The following KICS2 variants were observed in gnomAD, a reference collection of about 807,000 sequenced individuals.
KICS2 encodes the protein KICSTOR complex protein C12orf66.
A neutral mutation model predicts 31.4 loss-of-function variants in KICS2; 13 were observed. That is an observed-to-expected ratio of 0.41 (90% confidence interval 0.27 to 0.66). The LOEUF is 0.66. Ranked by LOEUF, KICS2 falls within the 30% of genes least tolerant of loss-of-function variation. KICS2 has a pLI of 0.28. For missense variants in KICS2, 455 were observed against 545.4 expected, an observed-to-expected ratio of 0.83 and a Z score of 1.65; for synonymous variants, 209 against 214.8, an observed-to-expected ratio of 0.97 and a Z score of 0.24.
downstream of KICS2, among the ~76,000 whole-genome samples, chr12:64,188,654 G>C (rs2037357949): frequency 6.6e-6 from 1 of 151,754 alleles, no homozygotes; most frequent in Admixed American, 6.6e-5. Context: ...AATTAAGAGA[G>C]AAAATTAACC....
At chr12:64,217,343 T>C (rs1362722925) in intron 1 of KICS2, among the ~76,000 whole-genome samples, 2 of 152,290 alleles carry the variant, frequency 1.3e-5, no homozygotes, top group Non-Finnish European at 2.9e-5. Context: ...CTTTGAAAAG[T>C]GTTTTTCCAA....
chr12:64,187,467 A>G (rs2037347035), downstream of KICS2: 5 of 656,882 alleles, frequency 7.6e-6, no homozygotes, highest in Admixed American at 8.4e-5. Flanking sequence ...TTGTTATCAA[A>G]AGCAGATTGA....
Position 64,214,676 on chromosome 12 carries a change from G to A in KICS2, c.521+1002C>T, listed in dbSNP as rs375637933. ...AGGGAGATCACAAGGTCAGGAGTTC[G>A]AGACCAGCCTGACCAACATGATGAA... On this transcript the variant is annotated intron_variant, in intron 2 of 2. Coordinates refer to ENST00000398055, the MANE Select transcript of KICS2 (RefSeq NM_152440.5). Among the ~76,000 whole-genome samples, 22 of 151,768 alleles carry A rather than the reference G, an allele frequency of 1.4e-4. No homozygotes were observed. The East Asian group carries it at 3.1e-3, about 22-fold the overall frequency.
chr12:64,222,285 C>T lies in KICS2; in HGVS notation c.-48G>A. 6.3e-7 allele frequency: 1 copy of T among 1,594,324 alleles called. No homozygotes were observed. The highest frequency in any genetic ancestry group is 8.5e-7 in the Non-Finnish European group (1 of 1,170,394). Reference sequence around the variant, plus strand: ...CCACGTGGCTCTCCTCGGCCTCGCACTTCCGGGTTCTGAGGGAACGGGCTT... The same window carrying T: ...CCACGTGGCTCTCCTCGGCCTCGCATTTCCGGGTTCTGAGGGAACGGGCTT... On this transcript the variant is annotated 5_prime_UTR_variant, in exon 1 of 3. The change creates a new upstream start codon in the 5' untranslated region. Coordinates refer to ENST00000398055, the MANE Select transcript of KICS2 (RefSeq NM_152440.5).
At chr12:64,196,637 C>T (rs1483173752) in intron 2 of KICS2, among the ~76,000 whole-genome samples, 8 of 148,214 alleles carry the variant, frequency 5.4e-5, no homozygotes, top group East Asian at 4.0e-4. Context: ...AGGCTTCAGA[C>T]GATCAAATTA....
At chr12:64,202,714 A>C (rs1462756125) in intron 2 of KICS2, among the ~76,000 whole-genome samples, 1 of 151,096 alleles carries the variant, frequency 6.6e-6, no homozygotes, top group Non-Finnish European at 1.5e-5. Flanking sequence ...ATATTAAATC[A>C]GATTACTAAC....
chr12:64,188,937 G>A (rs2037359800), downstream of KICS2, among the ~76,000 whole-genome samples: 2 of 152,068 alleles, frequency 1.3e-5, no homozygotes, highest in African/African-American at 4.8e-5. Flanking sequence ...AGCAGATCAT[G>A]AGGTCAAGAG....
intron 2 of KICS2, among the ~76,000 whole-genome samples, chr12:64,210,977 A>G (rs1442367210): frequency 6.6e-6 from 1 of 152,114 alleles, no homozygotes; most frequent in Non-Finnish European, 1.5e-5. Flanking sequence ...ATCACAGGGA[A>G]TTTTGAAAAC....
At chr12:64,199,040 C>G (rs932457710) in intron 2 of KICS2, among the ~76,000 whole-genome samples, 3 of 113,408 alleles carry the variant, frequency 2.6e-5, no homozygotes, top group Non-Finnish European at 3.6e-5. Context: ...GGAACTGGTA[C>G]CATTCCTTCT....
chr12:64,218,266 T>G (rs2037648403), intron 1 of KICS2, among the ~76,000 whole-genome samples: 1 of 152,192 alleles, frequency 6.6e-6, no homozygotes, highest in African/African-American at 2.4e-5. Context: ...ACCTCTCGGC[T>G]TAGGAGGGTA....
intron 2 of KICS2, chr12:64,204,996 G>C (rs553950591): frequency 6.6e-6 from 1 of 152,236 alleles, no homozygotes; most frequent in Admixed American, 6.5e-5. Flanking sequence ...TACCACCTTA[G>C]CTTTTAGGCC....
chr12:64,187,622 G>A, downstream of KICS2: 1 of 1,535,248 alleles, frequency 6.5e-7, no homozygotes. Flanking sequence ...CAGGCAAAAG[G>A]CCACGAAATA....
downstream of KICS2, among the ~76,000 whole-genome samples, chr12:64,189,099 G>A (rs754179930): frequency 2.6e-5 from 4 of 152,124 alleles, no homozygotes; most frequent in Non-Finnish European, 5.9e-5. Flanking sequence ...GTTGTGGTGA[G>A]CCGAGATCGT....
At chr12:64,194,936 A>ATTTTTTTTTTTTTTTTT (rs60371744) in intron 2 of KICS2, among the ~76,000 whole-genome samples, 1 of 149,456 alleles carries the variant, frequency 6.7e-6, no homozygotes, top group Non-Finnish European at 1.5e-5. Context: ...GCTACAATTC[A>ATTTTTTTTTTTTTTTTT]TTTTTTTTTT....
rs539554559 is a variant in KICS2, at chr12:64,193,611, T to A, written c.*231A>T. On this transcript the variant is annotated 3_prime_UTR_variant, in exon 3 of 3. Coordinates refer to ENST00000398055, the MANE Select transcript of KICS2 (RefSeq NM_152440.5). The stretch of plus-strand genomic sequence containing the variant: ...GGGGAAAATACTGAAACTACTTTGC[T>A]GTACCATGGAGACACATGGTAGCCC... 1.5e-6 allele frequency: 2 copies of A among 1,337,442 alleles called. No individual in the cohort carries two copies. Among genetic ancestry groups the A allele is most frequent in the Non-Finnish European group, 1.9e-6 (2 of 1,048,392 alleles). The allele number at this position is 1,337,442 out of a possible 1,614,324, so 82.8% of individuals were successfully genotyped here. A position where few individuals can be genotyped will look rare whatever the true frequency, so the allele number is the denominator to read the frequency against.
At chr12:64,202,232 T>G (rs1334745846) in intron 2 of KICS2, among the ~76,000 whole-genome samples, 3 of 151,996 alleles carry the variant, frequency 2.0e-5, no homozygotes, top group Admixed American at 6.6e-5. Flanking sequence ...ATGGAAAAAC[T>G]CCATCTCTAC....
chr12:64,192,796 A>T lies in KICS2; in HGVS notation c.*1046T>A, dbSNP rs73323086. ...CTAAGATGCAGTGCTGCTTCTAAAC[A>T]TAATTTGTGGGGGGCAGGCATGAAA... On this transcript the variant is annotated 3_prime_UTR_variant, in exon 3 of 3. Transcript: ENST00000398055. 7,459 of 985,418 alleles carry T rather than the reference A, an allele frequency of 7.6e-3. 409 individuals are homozygous for T. The African/African-American group carries it at 0.12, about 15-fold the overall frequency. 61.0% of individuals were successfully genotyped at this position (985,418 alleles called of 1,614,324 possible).
intron 2 of KICS2, chr12:64,205,016 T>A (rs1430979619): frequency 6.6e-6 from 1 of 152,228 alleles, no homozygotes; most frequent in Non-Finnish European, 1.5e-5. Context: ...CCCTTGACAC[T>A]TATAAGCATT....
intron 1 of KICS2, chr12:64,221,795 G>C (rs2037685850): frequency 1.6e-6 from 1 of 640,338 alleles, no homozygotes; most frequent in South Asian, 2.0e-5. Context: ...CATCTACCCA[G>C]TTCGCCAATC....
Sources: gnomAD v4.1 joint callset for allele counts (sites outside exome capture counted in the v4.1 genomes callset) on GRCh38, gnomAD v4.1.1 for gene constraint, MANE v1.5 for transcripts, NCBI Gene and HGNC (gene_info 2026-07-23, HGNC 2026-07-21) for gene names.